The following NEDD9 variants were observed in gnomAD, a reference collection of about 807,000 sequenced individuals.
NEDD9 encodes the protein neural precursor cell expressed, developmentally down-regulated 9, also known as enhancer of filamentation 1.
Under a neutral mutation model 76.6 loss-of-function variants are expected in NEDD9, and 26 were observed. That is an observed-to-expected ratio of 0.34 (90% CI 0.25 to 0.47). The LOEUF (loss-of-function observed/expected upper bound fraction) is 0.47, where lower values mean the gene tolerates loss of function less well. Among genes scored for constraint, NEDD9 ranks in the 20% least tolerant of loss-of-function variants. The probability of loss-of-function intolerance (pLI) is 1.00; values close to 1 mark genes in which losing one functional copy is unlikely to be tolerated. For missense variants in NEDD9, 937 were observed against 1,058.5 expected (o/e 0.89, Z 1.59); for synonymous variants, 392 against 414.2 (o/e 0.95, Z 0.65).
chr6:11,260,992 T>G (rs1472406535), intron 3 of NEDD9, among the ~76,000 whole-genome samples: 1 of 152,068 alleles, frequency 6.6e-6, no homozygotes, highest in Non-Finnish European at 1.5e-5. Context: ...GTTGGCTCAC[T>G]AGGGACAAAG....
At chr6:11,297,979 C>A (rs182559630) in intron 3 of NEDD9, among the ~76,000 whole-genome samples, 1 of 150,240 alleles carries the variant, frequency 6.7e-6, no homozygotes, top group Non-Finnish European at 1.5e-5. Context: ...GCAATCACAG[C>A]TCACTGCAAC....
upstream of NEDD9, among the ~76,000 whole-genome samples, chr6:11,236,372 G>A (rs374148590): frequency 1.1e-4 from 16 of 152,292 alleles, no homozygotes; most frequent in East Asian, 1.4e-3. The surrounding 1 kb of genome is among the most constrained non-coding windows in gnomAD (Gnocchi z 5.5). Flanking sequence ...GGCACCGGAT[G>A]CCATTCTAAT....
At chr6:11,299,214 G>A (rs1013271901) in intron 3 of NEDD9, among the ~76,000 whole-genome samples, 1 of 152,168 alleles carries the variant, frequency 6.6e-6, no homozygotes, top group African/African-American at 2.4e-5. Context: ...TGGGTCCCAC[G>A]CCCACAGAGC....
chr6:11,319,724 TCACACACTAACATGCACA>T (rs370812885), intron 2 of NEDD9, among the ~76,000 whole-genome samples: 2,968 of 124,018 alleles, frequency 0.024, 112 homozygotes, highest in African/African-American at 0.093. Context: ...ACATGCACAC[TCACACACTAACATGCACA>T]CACACACTAA....
At chr6:11,229,748 G>A (rs1374901284) in intron 1 of NEDD9, among the ~76,000 whole-genome samples, 1 of 152,188 alleles carries the variant, frequency 6.6e-6, no homozygotes, top group Non-Finnish European at 1.5e-5. Context: ...CCTTCCTGTG[G>A]ACAAATAAAA....
chr6:11,292,071 T>G (rs2113377733), intron 3 of NEDD9, among the ~76,000 whole-genome samples: 1 of 152,344 alleles, frequency 6.6e-6, no homozygotes, highest in East Asian at 1.9e-4. Flanking sequence ...TAGACTTACT[T>G]TAATCCTTCT....
rs542571103 is a variant in NEDD9 at position 11,252,389 on chromosome 6, C to T, written c.13-38662G>A. On this transcript the variant is annotated intron_variant, in intron 3 of 3. Coordinates refer to the NEDD9 transcript ENST00000397378. The surrounding 1 kb of genome is among the most constrained non-coding windows in gnomAD (Gnocchi z 4.3). ...ATTGCAATATCGGAACCAGCTCTCA[C>T]GTCCCGATTTCACAGTAACTCATGT... Among the ~76,000 whole-genome samples, 11 of 152,324 alleles carry T rather than the reference C, an allele frequency of 7.2e-5. No homozygotes were observed. Among genetic ancestry groups the T allele is most frequent in the African/African-American group, 2.4e-4 (10 of 41,560 alleles).
chr6:11,227,104 A>G (rs917064940), intron 1 of NEDD9, among the ~76,000 whole-genome samples: 4 of 152,210 alleles, frequency 2.6e-5, no homozygotes, highest in African/African-American at 7.2e-5. Context: ...ACTGAGTCCA[A>G]TGAACAATAA....
intron 2 of NEDD9, among the ~76,000 whole-genome samples, chr6:11,208,731 C>T (rs1307720215): frequency 1.3e-5 from 2 of 152,218 alleles, no homozygotes; most frequent in Non-Finnish European, 2.9e-5. Flanking sequence ...ATAAAAGCGA[C>T]ACATCCAAAG....
At chr6:11,285,739 T>C (rs1490929346) in intron 3 of NEDD9, among the ~76,000 whole-genome samples, 4 of 152,280 alleles carry the variant, frequency 2.6e-5, no homozygotes, top group Admixed American at 6.5e-5. Context: ...TTGACAAAGG[T>C]GCAAAGAAAC....
intron 2 of NEDD9, chr6:11,199,800 A>G (rs908401421): frequency 6.6e-6 from 1 of 152,446 alleles, no homozygotes; most frequent in Non-Finnish European, 1.5e-5. Flanking sequence ...AGCTGGGACT[A>G]CAGGCACCCG....
upstream of NEDD9, among the ~76,000 whole-genome samples, chr6:11,236,384 A>G (rs150505777): frequency 2.0e-5 from 3 of 152,256 alleles, no homozygotes; most frequent in African/African-American, 7.2e-5. The surrounding 1 kb of genome is among the most constrained non-coding windows in gnomAD (Gnocchi z 5.5). Context: ...CATTCTAATG[A>G]TTTTCCAGCT....
intron 1 of NEDD9, among the ~76,000 whole-genome samples, chr6:11,214,886 T>C (rs1758904217): frequency 6.6e-6 from 1 of 152,190 alleles, no homozygotes; most frequent in Non-Finnish European, 1.5e-5. Context: ...GATTACGGAT[T>C]GGATGGGGCA....
intron 3 of NEDD9, among the ~76,000 whole-genome samples, chr6:11,256,600 A>G (rs145524073): frequency 0.026 from 3,964 of 152,130 alleles, 171 homozygotes; most frequent in African/African-American, 0.09. Flanking sequence ...AGCTGGGACT[A>G]CAGGTGCGTG....
chr6:11,297,124 TTTG>T (rs1453900156), intron 3 of NEDD9, among the ~76,000 whole-genome samples: 1 of 140,184 alleles, frequency 7.1e-6, no homozygotes, highest in African/African-American at 2.8e-5. Context: ...TGCAGTTTAA[TTTG>T]TTTTGTTTTT....
chr6:11,227,152 T>C (rs2182336), intron 1 of NEDD9, among the ~76,000 whole-genome samples: 123,572 of 152,140 alleles, frequency 0.81, 50,203 homozygotes, highest in East Asian at 0.92. Context: ...GCAAGTGGGG[T>C]CATATGCTGT....
chr6:11,236,366 C>A (rs180800251), upstream of NEDD9, among the ~76,000 whole-genome samples: 1 of 152,294 alleles, frequency 6.6e-6, no homozygotes, highest in African/African-American at 2.4e-5. The surrounding 1 kb of genome is among the most constrained non-coding windows in gnomAD (Gnocchi z 5.5). Flanking sequence ...GGAAATGGCA[C>A]CGGATGCCAT....
chr6:11,217,559 A>AAC (rs1418902036), intron 1 of NEDD9, among the ~76,000 whole-genome samples: 1 of 152,220 alleles, frequency 6.6e-6, no homozygotes, highest in Non-Finnish European at 1.5e-5. Context: ...AAAACACCAA[A>AAC]ACAGTTAGGG....
intron 3 of NEDD9, among the ~76,000 whole-genome samples, chr6:11,286,730 G>C (rs1182414638): frequency 6.6e-6 from 1 of 152,148 alleles, no homozygotes; most frequent in African/African-American, 2.4e-5. Flanking sequence ...GGGTATATAA[G>C]ATATGTATCA....
Sources: allele counts gnomAD v4.1 joint callset (sites outside exome capture counted in the v4.1 genomes callset), GRCh38; gene constraint gnomAD v4.1.1; non-coding constraint Gnocchi (gnomAD v3.1); transcripts MANE v1.5; gene names NCBI Gene and HGNC (gene_info 2026-07-23, HGNC 2026-07-21).